CD247: variants seen among roughly 807,000 people sequenced by gnomAD.
The protein encoded by CD247 is T-cell surface glycoprotein CD3 zeta chain.
A neutral mutation model predicts 30.0 loss-of-function variants in CD247; 13 were observed. That is an observed-to-expected ratio of 0.43 (90% CI 0.28 to 0.69). CD247 has a LOEUF of 0.69. CD247 is among the 30% of genes least tolerant of loss of function. The pLI, the probability that CD247 is intolerant of heterozygous loss-of-function variation, is 0.16. For synonymous variants in CD247, 72 were observed against 80.0 expected (o/e 0.90, Z 0.53); for missense variants, 193 against 212.6 (o/e 0.91, Z 0.57).
chr1:167,493,106 G>A (rs12089781), intron 1 of CD247, among the ~76,000 whole-genome samples: 3,558 of 138,072 alleles, frequency 0.026, 139 homozygotes, highest in African/African-American at 0.091. Context: ...GCAGTGGTGC[G>A]ATCTCGGCTC....
intron 1 of CD247, among the ~76,000 whole-genome samples, chr1:167,502,909 A>T (rs1254143688): frequency 6.6e-6 from 1 of 152,180 alleles, no homozygotes; most frequent in Non-Finnish European, 1.5e-5. Context: ...AACCCTGCAG[A>T]CACCTTGACT....
At position 167,431,771 on chromosome 1, in the gene CD247, CAA is replaced by C. The variant is rs779092568; in HGVS notation, c.430-27_430-26del. ...CCTGGCGTGAAAGCAAATCAGAAAA[CAA>C]AGAGTGGGTCAGTAGCCTGTGTGGG... On this transcript the variant is annotated intron_variant, in intron 7 of 7. Transcript: ENST00000362089. The C allele has an allele frequency of 2.4e-5, 38 of 1,609,162 alleles. No homozygotes were observed. The East Asian group carries it at 2.9e-4, about 12-fold the overall frequency.
At chr1:167,474,570 C>G (rs1558015282) in intron 1 of CD247, among the ~76,000 whole-genome samples, 1 of 152,108 alleles carries the variant, frequency 6.6e-6, no homozygotes, top group East Asian at 1.9e-4. Context: ...GGCTGAGCCC[C>G]CGGTCTGGGA....
intron 1 of CD247, among the ~76,000 whole-genome samples, chr1:167,473,979 G>A (rs571247567): frequency 6.6e-6 from 1 of 152,130 alleles, no homozygotes; most frequent in South Asian, 2.1e-4. Context: ...CTTCTATGCC[G>A]TTTTCATCTT....
intron 1 of CD247, among the ~76,000 whole-genome samples, chr1:167,497,736 T>G (rs970178461): frequency 6.6e-5 from 10 of 152,148 alleles, no homozygotes; most frequent in African/African-American, 2.2e-4. Context: ...AACTCAGTAC[T>G]CCCTCTTCAA....
intron 1 of CD247, among the ~76,000 whole-genome samples, chr1:167,454,027 C>T (rs1652504742): frequency 6.6e-6 from 1 of 152,024 alleles, no homozygotes; most frequent in Admixed American, 6.6e-5. Flanking sequence ...ACTATGTAAG[C>T]TGCATATATA....
At chr1:167,481,384 T>C (rs1653967109) in intron 1 of CD247, among the ~76,000 whole-genome samples, 1 of 152,242 alleles carries the variant, frequency 6.6e-6, no homozygotes, top group African/African-American at 2.4e-5. Context: ...TTAAAACAGG[T>C]AGAGTCAAAC....
chr1:167,438,961 T>G (rs1032264335), intron 3 of CD247, among the ~76,000 whole-genome samples: 1 of 152,118 alleles, frequency 6.6e-6, no homozygotes, highest in African/African-American at 2.4e-5. Flanking sequence ...TGGTAGTCAA[T>G]TTCACCACAG....
intron 1 of CD247, among the ~76,000 whole-genome samples, chr1:167,467,074 G>C (rs370511871): frequency 1.3e-5 from 2 of 152,276 alleles, no homozygotes; most frequent in Non-Finnish European, 2.9e-5. Context: ...TCCTGACCTC[G>C]TGATCCGCCC....
intron 1 of CD247, 32 bp from the exon 2 acceptor site, chr1:167,440,799 C>A (rs1651789937): frequency 2.1e-6 from 3 of 1,462,616 alleles, no homozygotes. Flanking sequence ...GTCAGCCAGG[C>A]CCAAGGTGAC....
chr1:167,509,652 C>T lies in CD247; in HGVS notation c.58+8756G>A, dbSNP rs550279508. 7.9e-5 allele frequency among the ~76,000 whole-genome samples: 12 copies of T among 152,220 alleles called. No individual in the cohort carries two copies. In the South Asian group the frequency reaches 8.3e-4, roughly 11 times the overall value. On this transcript the variant is annotated intron_variant, in intron 1 of 7. Transcript: ENST00000362089. Reference sequence around the variant, plus strand: ...GGGTGCCGAGTCTCTTCTCTGGGAACGCCTCACTCTAGGGAACTATTTCTG... The same window carrying T: ...GGGTGCCGAGTCTCTTCTCTGGGAATGCCTCACTCTAGGGAACTATTTCTG...
In CD247 at chr1:167,434,678, C is replaced by T. The variant is rs528249851; in HGVS notation, c.337-602G>A. The T allele has an allele frequency of 1.9e-4, 79 of 416,112 alleles. 2 individuals carry two copies. In the East Asian group the frequency reaches 5.1e-3, roughly 27 times the overall value. The allele number at this position is 416,112 out of a possible 1,614,324, so 25.8% of individuals were successfully genotyped here. ...AAGGGGCCAGCCACCTCGTCCTTGC[C>T]TAGCTTGACCTTGCTGTGTCCCCCT... On this transcript the variant is annotated intron_variant, in intron 5 of 7. Transcript: ENST00000362089.
At chr1:167,481,522 G>A (rs912700676) in intron 1 of CD247, among the ~76,000 whole-genome samples, 8 of 152,158 alleles carry the variant, frequency 5.3e-5, no homozygotes, top group African/African-American at 1.2e-4. Context: ...TTTTGGTGCC[G>A]TCTATAATGT....
intron 1 of CD247, among the ~76,000 whole-genome samples, chr1:167,502,739 G>A (rs916044898): frequency 1.3e-5 from 2 of 152,188 alleles, no homozygotes; most frequent in Non-Finnish European, 2.9e-5. Flanking sequence ...ATTGGACACA[G>A]AGACAGCCAT....
Position 167,430,696 on chromosome 1 carries a change from T to C in CD247, c.*985A>G. 2 of 398,692 alleles carry C rather than the reference T, an allele frequency of 5.0e-6. No individual in the cohort carries two copies. Among genetic ancestry groups the C allele is most frequent in the Non-Finnish European group, 8.8e-6 (2 of 226,088 alleles). 24.7% of individuals were successfully genotyped at this position (398,692 alleles called of 1,614,324 possible). On this transcript the variant is annotated 3_prime_UTR_variant, in exon 8 of 8. Transcript: ENST00000362089. ...ATAGGAAGGCTTTAGCATGCCAGTA[T>C]AAATTAAAACAGTAGAAAAAAAGCA...
chr1:167,500,001 G>A (rs1654839217), intron 1 of CD247, among the ~76,000 whole-genome samples: 1 of 152,178 alleles, frequency 6.6e-6, no homozygotes, highest in African/African-American at 2.4e-5. Context: ...TCTCCTCCCT[G>A]GGGCACGTGG....
At chr1:167,510,561 C>A (rs1465601941) in intron 1 of CD247, among the ~76,000 whole-genome samples, 1 of 152,220 alleles carries the variant, frequency 6.6e-6, no homozygotes, top group Non-Finnish European at 1.5e-5. Flanking sequence ...CCTCTACCCC[C>A]TCCCCCAGCC....
chr1:167,518,376 G>A, intron 1 of CD247, 32 bp downstream of exon 1: 1 of 1,611,310 alleles, frequency 6.2e-7, no homozygotes, highest in Non-Finnish European at 8.5e-7. Flanking sequence ...AGAGTTTCTA[G>A]AAGTTCCCTG....
At chr1:167,448,084 A>G (rs1032816993) in intron 1 of CD247, among the ~76,000 whole-genome samples, 2 of 152,100 alleles carry the variant, frequency 1.3e-5, no homozygotes, top group Non-Finnish European at 2.9e-5. Context: ...CTTTCATCGA[A>G]TAACTAACTT....
Sources: allele counts gnomAD v4.1 joint callset (sites outside exome capture counted in the v4.1 genomes callset), GRCh38; gene constraint gnomAD v4.1.1; transcripts MANE v1.5; gene names NCBI Gene and HGNC (gene_info 2026-07-23, HGNC 2026-07-21).